Variants in ACOX3 observed in about 807,000 individuals in gnomAD.
ACOX3 encodes the protein peroxisomal acyl-coenzyme A oxidase 3.
In ACOX3, 73 loss-of-function variants were observed where a neutral mutation model predicts 81.5. The observed-to-expected ratio is 0.90, with a 90% CI of 0.74 to 1.09. The LOEUF (loss-of-function observed/expected upper bound fraction) is 1.09, where lower values mean the gene tolerates loss of function less well. ACOX3 is among the 50% of genes least tolerant of loss of function. The pLI is 0.00. For synonymous variants in ACOX3, 387 were observed against 375.1 expected, an observed-to-expected ratio of 1.03 and a Z score of -0.37; for missense variants, 947 against 928.0, an observed-to-expected ratio of 1.02 and a Z score of -0.27.
chr4:8,415,785 T>C lies in ACOX3; in HGVS notation c.359A>G (p.Lys120Arg). 6.2e-7 allele frequency: 1 copy of C among 1,614,112 alleles called. No individual in the cohort carries two copies. Among genetic ancestry groups the C allele is most frequent in the Non-Finnish European group, 8.5e-7 (1 of 1,179,998 alleles). ...LGMYDSSLAA[K>R]YLLHSLVFGS... is the part of the protein sequence containing the mutation. ...GCTCACCAAGCTATGGAGGAGGTAC[T>C]TGGCAGCCAGAGAAGAGTCATACAT... The change falls in exon 3 of 18, where the codon AAG becomes AGG. Residue 120 changes from lysine to arginine, a missense_variant. Coordinates refer to ENST00000356406, the MANE Select transcript of ACOX3 (RefSeq NM_003501.3).
chr4:8,421,487 T>G (rs1012801286), intron 1 of ACOX3, among the ~76,000 whole-genome samples: 5 of 152,208 alleles, frequency 3.3e-5, no homozygotes, highest in African/African-American at 1.2e-4. Context: ...TACTCAACAG[T>G]TGCCCATGCG....
At chr4:8,412,255 C>G (rs1270265901) in intron 5 of ACOX3, among the ~76,000 whole-genome samples, 1 of 152,240 alleles carries the variant, frequency 6.6e-6, no homozygotes, top group Non-Finnish European at 1.5e-5. Context: ...GAGCCTTGGC[C>G]CCACTCCCAA....
chr4:8,372,570 T>TGAAA (rs1716352578), intron 16 of ACOX3, among the ~76,000 whole-genome samples: 1 of 152,194 alleles, frequency 6.6e-6, no homozygotes, highest in East Asian at 1.9e-4. Flanking sequence ...CTGTGGCCAG[T>TGAAA]TCGATGTTAA....
Position 8,370,952 on chromosome 4 carries a change from G to A in ACOX3, c.1939C>T (p.Pro647Ser). Residue 647 changes from proline (P) to serine (S), a missense_variant, in exon 17 of 18, where the codon CCT becomes TCT. By Grantham distance (74) the Pro-to-Ser change is moderately conservative. Coordinates refer to ENST00000356406, the MANE Select transcript of ACOX3 (RefSeq NM_003501.3). The surrounding 1 kb of genome is among the most constrained non-coding windows in gnomAD (Gnocchi z 6.3). ...AVALVDVIAP[P>S]DFVLDSPIGR... ...ATCGGTGAGTCCAGAACAAAGTCAG[G>A]AGGAGCGATCACGTCTACCAGGGCA... The A allele has an allele frequency of 1.2e-6, 2 of 1,614,112 alleles. No individual in the cohort carries two copies. Among genetic ancestry groups the A allele is most frequent in the Non-Finnish European group, 1.7e-6 (2 of 1,180,040 alleles).
At chr4:8,369,238 T>G (rs1427437716) in intron 17 of ACOX3, among the ~76,000 whole-genome samples, 1 of 152,090 alleles carries the variant, frequency 6.6e-6, no homozygotes, top group South Asian at 2.1e-4. Flanking sequence ...CTGGCTCCAG[T>G]GTCCCTTCGA....
intron 5 of ACOX3, among the ~76,000 whole-genome samples, chr4:8,412,680 G>A (rs1044920139): frequency 3.9e-5 from 6 of 152,142 alleles, no homozygotes; most frequent in African/African-American, 9.7e-5. Context: ...GGTGGAAGGC[G>A]GGTGAGGAAA....
At position 8,399,645 on chromosome 4, in the gene ACOX3, T is replaced by C. The variant is rs139669081; in HGVS notation, c.784A>G (p.Met262Val). The C allele has an allele frequency of 4.3e-5, 69 of 1,614,070 alleles. No homozygotes were observed. In the African/African-American group the frequency reaches 7.7e-4, roughly 18 times the overall value. Reference sequence around the variant, plus strand: ...CGAGGAACTCTGACCTTGTGGAACATGGCGAAACTGTGGGGAAGCAGCAGG... The same window carrying C: ...CGAGGAACTCTGACCTTGTGGAACACGGCGAAACTGTGGGGAAGCAGCAGG... ...GQNGLDNGFA[M>V]FHKVRVPRQS... Residue 262 changes from methionine to valine, a missense_variant, in exon 8 of 18, where the codon ATG becomes GTG. Transcript: ENST00000356406. The surrounding 1 kb of genome is among the most constrained non-coding windows in gnomAD (Gnocchi z 4.9).
chr4:8,428,474 C>T (rs985447273), intron 1 of ACOX3: 4 of 152,390 alleles, frequency 2.6e-5, no homozygotes, highest in Non-Finnish European at 4.4e-5. Context: ...CTCTCGGCCT[C>T]CGTCCGTCCC....
In ACOX3 at chr4:8,440,667, A is replaced by G. The variant is rs553980086; in HGVS notation, c.-34T>C. ...CCTCACCCACACACTCCACAGTTCA[A>G]CCCCTGCCAGGGAAACCAAAAGCAG... On this transcript the variant is annotated 5_prime_UTR_variant, in exon 1 of 18. Coordinates refer to ENST00000356406, the MANE Select transcript of ACOX3 (RefSeq NM_003501.3). 2.1e-6 allele frequency: 2 copies of G among 941,808 alleles called. No homozygotes were observed. Among genetic ancestry groups the G allele is most frequent in the East Asian group, 6.1e-5 (2 of 32,912 alleles). 58.3% of individuals were successfully genotyped at this position (941,808 alleles called of 1,614,324 possible).
chr4:8,371,813 G>A (rs930034502), intron 16 of ACOX3, among the ~76,000 whole-genome samples: 1 of 152,252 alleles, frequency 6.6e-6, no homozygotes, highest in East Asian at 1.9e-4. Context: ...CGCTGAGCCC[G>A]ACAAACGTGT....
chr4:8,422,009 G>A (rs1723002814), intron 1 of ACOX3, among the ~76,000 whole-genome samples: 1 of 152,228 alleles, frequency 6.6e-6, no homozygotes, highest in African/African-American at 2.4e-5. Flanking sequence ...AATAGATCAG[G>A]AAGAAAGCGA....
At chr4:8,427,917 C>T (rs1005301212) in intron 1 of ACOX3, among the ~76,000 whole-genome samples, 1 of 152,170 alleles carries the variant, frequency 6.6e-6, no homozygotes, top group African/African-American at 2.4e-5. Context: ...TGCCCAGGGT[C>T]TACTGTCTGA....
Position 8,385,580 on chromosome 4 carries a change from C to G in ACOX3, c.1537+3593G>C, listed in dbSNP as rs1317961710. On this transcript the variant is annotated intron_variant, in intron 13 of 17. Transcript: ENST00000356406. This position sits in a 1 kb window ranked among gnomAD's most constrained non-coding sequence, Gnocchi z 5.5. Reference sequence around the variant, plus strand: ...CCCCAAGGCACAGGGCTGTGACACTCAGCTCAGTGCAAAAATGCCTGTGCA... The same window carrying G: ...CCCCAAGGCACAGGGCTGTGACACTGAGCTCAGTGCAAAAATGCCTGTGCA... Among the ~76,000 whole-genome samples the G allele has an allele frequency of 1.3e-5, 2 of 152,256 alleles. No homozygotes were observed. The highest frequency in any genetic ancestry group is 3.8e-4 in the East Asian group (2 of 5,198).
At position 8,410,375 on chromosome 4, in the gene ACOX3, G is replaced by A; in HGVS notation, c.544-20C>T. The stretch of plus-strand genomic sequence containing the variant: ...GAATTCCTGCACAAGGGAAAATTTA[G>A]GTTAGTTATAATTAGCAACTAAAGC... On this transcript the variant is annotated intron_variant, in intron 5 of 17. Transcript: ENST00000356406. 1 of 1,611,722 alleles carries A rather than the reference G, an allele frequency of 6.2e-7. No individual in the cohort carries two copies. Among genetic ancestry groups the A allele is most frequent in the Admixed American group, 1.7e-5 (1 of 59,942 alleles).
chr4:8,417,444 C>G (rs1308523548), intron 1 of ACOX3, among the ~76,000 whole-genome samples: 1 of 152,204 alleles, frequency 6.6e-6, no homozygotes, highest in Non-Finnish European at 1.5e-5. Context: ...CTTCTATAGT[C>G]TTATCTTATT....
intron 10 of ACOX3, chr4:8,392,918 G>C (rs189029098): frequency 5.0e-4 from 76 of 153,080 alleles, no homozygotes; most frequent in African/African-American, 1.7e-3. Context: ...TCCATTCCCA[G>C]AAGGCTGCAA....
In ACOX3 at chr4:8,414,520, TTGAC is replaced by T. The variant is rs1722117661; in HGVS notation, c.454-143_454-140del. 2 of 812,816 alleles carry T rather than the reference TTGAC, an allele frequency of 2.5e-6. No individual in the cohort carries two copies. Among genetic ancestry groups the T allele is most frequent in the Admixed American group, 2.1e-5 (1 of 47,844 alleles). The allele number at this position is 812,816 out of a possible 1,614,324, so 50.4% of individuals were successfully genotyped here. ...AATTTCCATCTACCCAACTAGTGAC[TTGAC>T]TGAGTCATGCTGCCACACTCAGCTG... On this transcript the variant is annotated intron_variant, in intron 4 of 17. Coordinates refer to ENST00000356406, the MANE Select transcript of ACOX3 (RefSeq NM_003501.3). This position sits in a 1 kb window ranked among gnomAD's most constrained non-coding sequence, Gnocchi z 6.1.
chr4:8,404,650 C>T (rs1720732199), intron 7 of ACOX3, among the ~76,000 whole-genome samples: 1 of 152,212 alleles, frequency 6.6e-6, no homozygotes, highest in Admixed American at 6.5e-5. Context: ...AAGGAGGTTT[C>T]TCCATCGCTG....
intron 9 of ACOX3, 29 bp downstream of exon 9, chr4:8,396,908 C>T: frequency 6.3e-7 from 1 of 1,597,796 alleles, no homozygotes; most frequent in Non-Finnish European, 8.5e-7. Context: ...AATAGAGAGA[C>T]AGTGAAAGGA....
Sources: allele counts gnomAD v4.1 joint callset (sites outside exome capture counted in the v4.1 genomes callset), GRCh38; gene constraint gnomAD v4.1.1; non-coding constraint Gnocchi (gnomAD v3.1); transcripts MANE v1.5; gene names NCBI Gene and HGNC (gene_info 2026-07-23, HGNC 2026-07-21).